CACNG3: variants seen among roughly 807,000 people sequenced by gnomAD.
CACNG3 encodes voltage-dependent calcium channel gamma-3 subunit.
CACNG3 carries 3 observed loss-of-function variants against 28.5 expected under a neutral mutation model. The ratio of observed to expected loss-of-function variants is 0.11; its 90% confidence interval spans 0.05 to 0.27. The LOEUF (loss-of-function observed/expected upper bound fraction) is 0.27, where lower values mean the gene tolerates loss of function less well. Ranked by LOEUF, CACNG3 falls within the 10% of genes least tolerant of loss-of-function variation. The pLI, the probability that CACNG3 is intolerant of heterozygous loss-of-function variation, is 1.00. For synonymous variants in CACNG3, 174 were observed against 162.2 expected (o/e 1.07, Z -0.55); for missense variants, 236 against 414.4 (o/e 0.57, Z 3.74).
At chr16:24,281,752 C>T (rs1358861601) in intron 1 of CACNG3, among the ~76,000 whole-genome samples, 1 of 152,190 alleles carries the variant, frequency 6.6e-6, no homozygotes, top group Admixed American at 6.5e-5. Context: ...TGACCAGTTG[C>T]TACATGTTCT....
intron 1 of CACNG3, chr16:24,333,274 G>GA (rs1207377319): frequency 1.3e-5 from 2 of 151,970 alleles, no homozygotes; most frequent in African/African-American, 4.8e-5. Flanking sequence ...AAGAAGATCA[G>GA]AAAAAAATCA....
intron 1 of CACNG3, among the ~76,000 whole-genome samples, chr16:24,307,524 T>C (rs965957804): frequency 1.3e-5 from 2 of 152,184 alleles, no homozygotes; most frequent in Non-Finnish European, 2.9e-5. Flanking sequence ...CTGGTCCTGC[T>C]TCCCCCTTCC....
intron 1 of CACNG3, among the ~76,000 whole-genome samples, chr16:24,302,912 G>A (rs958032003): frequency 6.6e-6 from 1 of 151,902 alleles, no homozygotes; most frequent in African/African-American, 2.4e-5. Flanking sequence ...TACCCGCCTC[G>A]GCCTCCCAAA....
intron 1 of CACNG3, among the ~76,000 whole-genome samples, chr16:24,287,009 G>A (rs1898903608): frequency 6.6e-6 from 1 of 152,212 alleles, no homozygotes; most frequent in African/African-American, 2.4e-5. Flanking sequence ...ATAACTGAGT[G>A]AGCATGTGGG....
chr16:24,340,804 C>T (rs552431905), intron 1 of CACNG3, among the ~76,000 whole-genome samples: 5 of 152,298 alleles, frequency 3.3e-5, no homozygotes, highest in East Asian at 1.9e-4. Flanking sequence ...TCTCAGGGCC[C>T]GGCTCTCACA....
Position 24,362,016 on chromosome 16 carries a change from C to T in CACNG3, c.*153C>T. 1.4e-6 allele frequency: 1 copy of T among 728,060 alleles called. No homozygotes were observed. The highest frequency in any genetic ancestry group is 2.2e-6 in the Non-Finnish European group (1 of 461,722). The allele number at this position is 728,060 out of a possible 1,614,324, so 45.1% of individuals were successfully genotyped here. On this transcript the variant is annotated 3_prime_UTR_variant, in exon 4 of 4. Coordinates refer to ENST00000005284, the MANE Select transcript of CACNG3 (RefSeq NM_006539.4). Reference sequence around the variant, plus strand: ...TCAGCCCTCTCCCACATTTTCCCCTCACCCTCCAAGTCCTAACCCCTCCAT... The same window carrying T: ...TCAGCCCTCTCCCACATTTTCCCCTTACCCTCCAAGTCCTAACCCCTCCAT...
chr16:24,293,073 T>C (rs1464111695), intron 1 of CACNG3, among the ~76,000 whole-genome samples: 1 of 152,240 alleles, frequency 6.6e-6, no homozygotes, highest in East Asian at 1.9e-4. Flanking sequence ...TGTGTAGACA[T>C]GATCATTCAG....
At chr16:24,303,452 A>G (rs959101609) in intron 1 of CACNG3, among the ~76,000 whole-genome samples, 5 of 152,050 alleles carry the variant, frequency 3.3e-5, no homozygotes, top group Non-Finnish European at 5.9e-5. Context: ...AGACTCCTAA[A>G]GTGCTGGGAC....
chr16:24,333,406 A>G (rs974371191), intron 1 of CACNG3: 1 of 152,318 alleles, frequency 6.6e-6, no homozygotes, highest in African/African-American at 2.4e-5. Context: ...TCTCTTAAAA[A>G]AATTTTCAAA....
chr16:24,269,544 C>T (rs1250097480), intron 1 of CACNG3, among the ~76,000 whole-genome samples: 5 of 151,802 alleles, frequency 3.3e-5, no homozygotes, highest in Admixed American at 2.0e-4. Flanking sequence ...TTCAGGAGTT[C>T]GAGACCAGCC....
At chr16:24,291,305 G>A (rs1006459348) in intron 1 of CACNG3, among the ~76,000 whole-genome samples, 1 of 152,296 alleles carries the variant, frequency 6.6e-6, no homozygotes, top group Non-Finnish European at 1.5e-5. Context: ...TGGAAGAGTA[G>A]GGACCTGCAC....
intron 3 of CACNG3, among the ~76,000 whole-genome samples, chr16:24,359,778 C>A (rs1900081783): frequency 6.6e-6 from 1 of 152,032 alleles, no homozygotes; most frequent in Non-Finnish European, 1.5e-5. Flanking sequence ...AGGGAAGATG[C>A]CTTTAGCCCA....
At chr16:24,316,194 C>T (rs912069054) in intron 1 of CACNG3, among the ~76,000 whole-genome samples, 4 of 151,662 alleles carry the variant, frequency 2.6e-5, no homozygotes, top group Non-Finnish European at 5.9e-5. Flanking sequence ...CTTTGGGGGA[C>T]TCTCAGGAAC....
chr16:24,308,058 C>A (rs543968190), intron 1 of CACNG3, among the ~76,000 whole-genome samples: 75 of 152,142 alleles, frequency 4.9e-4, no homozygotes, highest in Non-Finnish European at 7.8e-4. Flanking sequence ...GGGCTGACTC[C>A]CCCACGGCAC....
intron 1 of CACNG3, among the ~76,000 whole-genome samples, chr16:24,272,131 A>G (rs1198553507): frequency 1.3e-5 from 2 of 152,166 alleles, no homozygotes; most frequent in African/African-American, 4.8e-5. Flanking sequence ...TTAAAAAAAA[A>G]AGAAAGAAAT....
chr16:24,266,765 C>T (rs1157706834), intron 1 of CACNG3, among the ~76,000 whole-genome samples: 1 of 152,082 alleles, frequency 6.6e-6, no homozygotes, highest in Non-Finnish European at 1.5e-5. Flanking sequence ...GGCAGGAACC[C>T]CACCTGTGGC....
At chr16:24,280,996 G>A (rs1401581145) in intron 1 of CACNG3, among the ~76,000 whole-genome samples, 1 of 151,760 alleles carries the variant, frequency 6.6e-6, no homozygotes, top group Non-Finnish European at 1.5e-5. Flanking sequence ...CAGAAAGAGA[G>A]AAAAAGCCCT....
intron 1 of CACNG3, among the ~76,000 whole-genome samples, chr16:24,257,368 G>GGAGAGAGAGAGA (rs71154293): frequency 7.6e-5 from 4 of 52,864 alleles, no homozygotes; most frequent in Non-Finnish European, 1.1e-4. Flanking sequence ...AAGTGAGGGG[G>GGAGAGAGAGAGA]GAGAGAGAGA....
intron 1 of CACNG3, among the ~76,000 whole-genome samples, chr16:24,307,170 G>A (rs1332231410): frequency 6.6e-6 from 1 of 152,116 alleles, no homozygotes; most frequent in Non-Finnish European, 1.5e-5. Flanking sequence ...GAGACAGGCT[G>A]GAGTGCAGTG....
Sources: gnomAD v4.1 joint callset for allele counts (sites outside exome capture counted in the v4.1 genomes callset) on GRCh38, gnomAD v4.1.1 for gene constraint, MANE v1.5 for transcripts, NCBI Gene and HGNC (gene_info 2026-07-23, HGNC 2026-07-21) for gene names.